The following ELP1 variants were observed in gnomAD, a reference collection of about 807,000 sequenced individuals.
ELP1 encodes the protein elongator complex protein 1.
In ELP1, 131 loss-of-function variants were observed where a neutral mutation model predicts 183.2. The observed-to-expected ratio is 0.72, with a 90% CI of 0.62 to 0.83. The LOEUF (loss-of-function observed/expected upper bound fraction) is 0.83, where lower values mean the gene tolerates loss of function less well. Ranked by LOEUF, ELP1 falls within the 40% of genes least tolerant of loss-of-function variation. ELP1 has a pLI of 0.00. For synonymous variants in ELP1, 555 were observed against 569.0 expected (o/e 0.98, Z 0.35); for missense variants, 1,550 against 1,594.9 (o/e 0.97, Z 0.48).
Position 108,892,050 on chromosome 9 carries a change from CAG to C in ELP1, c.2959-648_2959-647del, listed in dbSNP as rs1828360158. 2.0e-5 allele frequency among the ~76,000 whole-genome samples: 3 copies of C among 152,148 alleles called. No homozygotes were observed. In the South Asian group the frequency reaches 6.2e-4, roughly 32 times the overall value. On this transcript the variant is annotated intron_variant, in intron 27 of 36. Transcript: ENST00000374647. ...TCGATTCTCCAGGCTGGATGTTAGC[CAG>C]AGATTCAGAGAGGAATACAACATGG...
Position 108,892,944 on chromosome 9 carries a change from A to G in ELP1, c.2958+42T>C, listed in dbSNP as rs753118835. 6 of 1,466,568 alleles carry G rather than the reference A, an allele frequency of 4.1e-6. No individual in the cohort carries two copies. In the East Asian group the frequency reaches 1.1e-4, roughly 28 times the overall value. 90.8% of individuals were successfully genotyped at this position (1,466,568 alleles called of 1,614,324 possible). A position where few individuals can be genotyped will look rare whatever the true frequency, so the allele number is the denominator to read the frequency against. ...TCCTCACTCCTTTCCTACTAAAGCAAAAAGCAAAACCAGGAGAGCCTCATT... is the reference window on the plus strand; with the variant it reads ...TCCTCACTCCTTTCCTACTAAAGCAGAAAGCAAAACCAGGAGAGCCTCATT... On this transcript the variant is annotated intron_variant, in intron 27 of 36. Transcript: ENST00000374647.
At chr9:108,918,642 A>G (rs1229664788) in intron 8 of ELP1, among the ~76,000 whole-genome samples, 169 bp downstream of exon 8, 1 of 142,892 alleles carries the variant, frequency 7.0e-6, no homozygotes, top group African/African-American at 2.4e-5. Context: ...ACTTCAGGGA[A>G]TAAGAAAAAA....
At chr9:108,897,335 C>A (rs778562328) in intron 22 of ELP1, 50 bp from the exon 23 acceptor site, 10 of 1,602,788 alleles carry the variant, frequency 6.2e-6, no homozygotes, top group South Asian at 1.1e-5. Context: ...TGTAGCCCAG[C>A]GATCAAATTA....
chr9:108,929,814 G>A lies in ELP1; in HGVS notation c.258C>T (p.Ala86=). ...AGAGTATGACGTCTCCAGAGGCTGT[G>A]GCCACACACACAGACTCCTGATCCA... ...DLLDQESVCV[A]TASGDVILCS... Residue 86 remains alanine (A), a synonymous_variant, in exon 3 of 37, where the codon GCC becomes GCT. Transcript: ENST00000374647. 1.9e-6 allele frequency: 3 copies of A among 1,613,856 alleles called. No individual in the cohort carries two copies. Among genetic ancestry groups the A allele is most frequent in the Non-Finnish European group, 1.7e-6 (2 of 1,180,018 alleles).
intron 9 of ELP1, among the ~76,000 whole-genome samples, chr9:108,916,807 T>C (rs1829451838): frequency 6.6e-6 from 1 of 152,212 alleles, no homozygotes; most frequent in Non-Finnish European, 1.5e-5. Context: ...AAGTGAGTAA[T>C]AGTTACATGG....
intron 25 of ELP1, among the ~76,000 whole-genome samples, chr9:108,894,857 C>CT (rs1223818885): frequency 6.6e-6 from 1 of 152,188 alleles, no homozygotes. Flanking sequence ...ATGCCATGCC[C>CT]TGTAAGCAAA....
At chr9:108,929,183 T>G (rs1829917319) in intron 3 of ELP1, among the ~76,000 whole-genome samples, 1 of 152,166 alleles carries the variant, frequency 6.6e-6, no homozygotes, top group African/African-American at 2.4e-5. Context: ...GGAAGAAGAT[T>G]TAAAGAATCA....
Position 108,878,016 on chromosome 9 carries a change from G to T in ELP1, c.3834C>A (p.Tyr1278Ter). ...RSLPEIWTLT[Y>*]QQNSATPVLG... Reference sequence around the variant, plus strand: ...TTACCGGGGTAGCTGAATTCTGCTGGTAAGTAAGAGTCCAAATTTCTGGAA... The same window carrying T: ...TTACCGGGGTAGCTGAATTCTGCTGTTAAGTAAGAGTCCAAATTTCTGGAA... The change falls in exon 35 of 37, where the codon TAC becomes TAA. Residue 1278 changes from tyrosine to a stop codon, truncating the protein, a stop_gained. Coordinates refer to ENST00000374647, the MANE Select transcript of ELP1 (RefSeq NM_003640.5). LOFTEE classifies it high-confidence loss of function. The T allele has an allele frequency of 3.1e-6, 5 of 1,614,188 alleles. No individual in the cohort carries two copies. The highest frequency in any genetic ancestry group is 4.2e-6 in the Non-Finnish European group (5 of 1,180,020).
chr9:108,882,173 A>C lies in ELP1; in HGVS notation c.3237T>G (p.Ala1079=), dbSNP rs2118947424. The part of the protein sequence containing the change: ...LEECAQDYEE[A]VLLLLEGAAW... ...CAGCTCCTTCTAACAGCAAGAGCAC[A>C]GCTTCTTCATAATCCTGACAAGGGA... The change falls in exon 30 of 37, where the codon GCT becomes GCG. Residue 1079 remains alanine, a synonymous_variant. Transcript: ENST00000374647. 1 of 1,613,334 alleles carries C rather than the reference A, an allele frequency of 6.2e-7. No individual in the cohort carries two copies.
intron 6 of ELP1, among the ~76,000 whole-genome samples, chr9:108,921,826 TAA>T (rs1829659194): frequency 6.6e-6 from 1 of 152,220 alleles, no homozygotes; most frequent in Admixed American, 6.5e-5. Context: ...AACTACGCTT[TAA>T]AAAGTTTCAA....
chr9:108,885,730 ACT>A (rs925052246), intron 29 of ELP1, among the ~76,000 whole-genome samples: 4 of 152,122 alleles, frequency 2.6e-5, no homozygotes, highest in African/African-American at 9.7e-5. Flanking sequence ...GAAAGCACCA[ACT>A]CTCTCTGTTC....
intron 36 of ELP1, among the ~76,000 whole-genome samples, chr9:108,870,969 ATTT>A (rs33952302): frequency 2.2e-3 from 186 of 83,576 alleles, no homozygotes; most frequent in African/African-American, 8.3e-3. Flanking sequence ...TTCATGCACC[ATTT>A]TTTTTTTTTT....
At chr9:108,903,323 G>A (rs933601125) in intron 15 of ELP1, among the ~76,000 whole-genome samples, 8 of 151,878 alleles carry the variant, frequency 5.3e-5, no homozygotes, top group Non-Finnish European at 5.9e-5. Flanking sequence ...GAGAACATGC[G>A]GTGTTTGGTT....
At chr9:108,881,123 C>T (rs1286247088) in intron 31 of ELP1, among the ~76,000 whole-genome samples, 1 of 152,146 alleles carries the variant, frequency 6.6e-6, no homozygotes, top group Non-Finnish European at 1.5e-5. Flanking sequence ...GAAAAGGTAA[C>T]TTTTAAAAAA....
intron 10 of ELP1, among the ~76,000 whole-genome samples, chr9:108,914,379 A>G (rs1480252154): frequency 1.6e-5 from 2 of 126,036 alleles, no homozygotes; most frequent in Admixed American, 1.6e-4. Flanking sequence ...GCCTGGGGGA[A>G]AGAGAGAGAC....
intron 1 of ELP1, among the ~76,000 whole-genome samples, chr9:108,933,155 G>T (rs1476094082): frequency 6.6e-6 from 1 of 152,156 alleles, no homozygotes; most frequent in African/African-American, 2.4e-5. Context: ...ATGCGACCTG[G>T]AAAGCAAAGA....
rs537635969 is a variant in ELP1, at chr9:108,922,911, A to G, written c.483T>C (p.Val161=). The G allele has an allele frequency of 1.1e-5, 18 of 1,613,688 alleles. 1 individual carries two copies. In the South Asian group the frequency reaches 1.6e-4, roughly 15 times the overall value. ...ACTGTGTCTCCTTCCTACCCCATCCAACAGTGATAAACTTGCCTACAGAAC... is the reference window on the plus strand; with the variant it reads ...ACTGTGTCTCCTTCCTACCCCATCCGACAGTGATAAACTTGCCTACAGAAC... ...DDFGESKFIT[V]GWGRKETQFH... The change falls in exon 6 of 37, where the codon GTT becomes GTC. Residue 161 remains valine, a synonymous_variant. Coordinates refer to ENST00000374647, the MANE Select transcript of ELP1 (RefSeq NM_003640.5).
chr9:108,875,736 CT>C, intron 35 of ELP1: 1 of 428,654 alleles, frequency 2.3e-6, no homozygotes, highest in South Asian at 1.7e-5. Context: ...CTCCCCATGT[CT>C]AGGAAAAAAT....
At chr9:108,914,901 A>G (rs868235198) in intron 10 of ELP1, among the ~76,000 whole-genome samples, 12 of 152,316 alleles carry the variant, frequency 7.9e-5, no homozygotes, top group Admixed American at 1.3e-4. Flanking sequence ...CTGGGCCCCC[A>G]AAGTGCATGA....
Sources: gnomAD v4.1 joint callset for allele counts (sites outside exome capture counted in the v4.1 genomes callset) on GRCh38, gnomAD v4.1.1 for gene constraint, MANE v1.5 for transcripts, NCBI Gene and HGNC (gene_info 2026-07-23, HGNC 2026-07-21) for gene names.